MAP3K5: variants seen among roughly 807,000 people sequenced by gnomAD.
The protein encoded by MAP3K5 is mitogen-activated protein kinase kinase kinase 5.
A neutral mutation model predicts 158.7 loss-of-function variants in MAP3K5; 56 were observed. The ratio of observed to expected loss-of-function variants is 0.35; its 90% CI spans 0.28 to 0.44. The LOEUF is 0.44. Among genes scored for constraint, MAP3K5 ranks in the 20% least tolerant of loss-of-function variants. MAP3K5 has a pLI of 1.00. For missense variants in MAP3K5, 1,294 were observed against 1,674.8 expected (o/e 0.77, Z 3.97); for synonymous variants, 579 against 601.7 (o/e 0.96, Z 0.55).
At chr6:136,579,929 A>T in intron 25 of MAP3K5, 1 of 455,384 alleles carries the variant, frequency 2.2e-6, no homozygotes, top group Non-Finnish European at 4.4e-6. Flanking sequence ...GCTATGCAAT[A>T]CCTCCTTAAA....
At chr6:136,702,782 GC>G (rs1352648924) in intron 3 of MAP3K5, among the ~76,000 whole-genome samples, 1 of 152,120 alleles carries the variant, frequency 6.6e-6, no homozygotes, top group African/African-American at 2.4e-5. Context: ...TGCAGCCTCT[GC>G]CTCCTGGGTG....
intron 1 of MAP3K5, among the ~76,000 whole-genome samples, chr6:136,766,972 T>C (rs777683018): frequency 6.6e-6 from 1 of 152,180 alleles, no homozygotes; most frequent in Non-Finnish European, 1.5e-5. Flanking sequence ...TATAGAAACA[T>C]AGTAAAAGCA....
chr6:136,791,601 T>C (rs1478071782), intron 1 of MAP3K5, 109 bp downstream of exon 1: 1 of 1,200,156 alleles, frequency 8.3e-7, no homozygotes, highest in East Asian at 2.4e-5. Context: ...GCCCCCAAAG[T>C]GGGGCAAGAA....
At chr6:136,686,034 G>T (rs140427970) in intron 7 of MAP3K5, among the ~76,000 whole-genome samples, 1 of 152,168 alleles carries the variant, frequency 6.6e-6, no homozygotes, top group African/African-American at 2.4e-5. Context: ...AGCTTTATAA[G>T]CAAGAGCATG....
At chr6:136,600,476 G>GA (rs1775827306) in intron 21 of MAP3K5, among the ~76,000 whole-genome samples, 1 of 152,052 alleles carries the variant, frequency 6.6e-6, no homozygotes, top group South Asian at 2.1e-4. Context: ...CTATAGGCGT[G>GA]AACCACCATG....
intron 1 of MAP3K5, among the ~76,000 whole-genome samples, chr6:136,764,477 C>A (rs767670109): frequency 2.6e-5 from 4 of 152,212 alleles, no homozygotes; most frequent in Admixed American, 6.5e-5. Context: ...GCCCACACCA[C>A]CTTCCAGTCA....
chr6:136,789,575 T>C (rs1784982961), intron 1 of MAP3K5, among the ~76,000 whole-genome samples: 3 of 151,912 alleles, frequency 2.0e-5, no homozygotes, highest in Non-Finnish European at 2.9e-5. Context: ...GGTAAGATCT[T>C]TGCCAGCTCA....
At chr6:136,737,037 G>GTGTGTGTATATATATATATA (rs759947051) in intron 1 of MAP3K5, among the ~76,000 whole-genome samples, 1 of 127,002 alleles carries the variant, frequency 7.9e-6, no homozygotes, top group African/African-American at 3.8e-5. Context: ...ATATGTGTGT[G>GTGTGTGTATATATATATATA]TATATATATA....
intron 16 of MAP3K5, 90 bp downstream of exon 16, chr6:136,614,069 A>T: frequency 7.0e-7 from 1 of 1,422,406 alleles, no homozygotes. Context: ...TAGACAGATT[A>T]AGACCTGTAC....
In MAP3K5 at chr6:136,693,715, C is replaced by T. The variant is rs146179779; in HGVS notation, c.1253+425G>A. Among the ~76,000 whole-genome samples the T allele has an allele frequency of 5.2e-4, 79 of 152,226 alleles. 2 individuals carry two copies. In the East Asian group the frequency reaches 0.014, roughly 28 times the overall value. ...CTAAAGTTATAAACTCTAAGATTGG[C>T]CCGGTGGCTCACGCCTGTAATCCCA... On this transcript the variant is annotated intron_variant, in intron 7 of 29. Transcript: ENST00000359015.
intron 23 of MAP3K5, among the ~76,000 whole-genome samples, chr6:136,586,350 C>T (rs1243161585): frequency 6.6e-6 from 1 of 152,182 alleles, no homozygotes; most frequent in Non-Finnish European, 1.5e-5. Context: ...TTTTTTTCGA[C>T]ATTAACTTTG....
chr6:136,742,494 A>G (rs1430113206), intron 1 of MAP3K5, among the ~76,000 whole-genome samples: 3 of 152,170 alleles, frequency 2.0e-5, no homozygotes, highest in Non-Finnish European at 4.4e-5. Context: ...CCCTCTGCAG[A>G]AATTAACTCA....
chr6:136,603,853 C>T (rs1487949793), intron 19 of MAP3K5, among the ~76,000 whole-genome samples: 1 of 152,240 alleles, frequency 6.6e-6, no homozygotes, highest in Non-Finnish European at 1.5e-5. Flanking sequence ...TTTGGTCACA[C>T]TACTCATTTT....
intron 21 of MAP3K5, among the ~76,000 whole-genome samples, chr6:136,597,353 G>T (rs550127775): frequency 6.6e-6 from 1 of 152,178 alleles, no homozygotes; most frequent in Non-Finnish European, 1.5e-5. Flanking sequence ...TTGGGAAAAC[G>T]GGGATTTTCT....
intron 21 of MAP3K5, among the ~76,000 whole-genome samples, chr6:136,599,164 A>G (rs1775764314): frequency 1.1e-5 from 1 of 92,820 alleles, no homozygotes; most frequent in African/African-American, 4.2e-5. Flanking sequence ...GTCTCAAAAA[A>G]AAAAGGGGGG....
chr6:136,710,549 C>G (rs1781265513), intron 2 of MAP3K5, among the ~76,000 whole-genome samples: 1 of 152,108 alleles, frequency 6.6e-6, no homozygotes, highest in Admixed American at 6.5e-5. Flanking sequence ...TTTGATAGCT[C>G]TCTGGGACAG....
intron 27 of MAP3K5, among the ~76,000 whole-genome samples, 178 bp downstream of exon 27, chr6:136,562,320 TATAAG>T (rs1261299559): frequency 6.6e-6 from 1 of 152,180 alleles, no homozygotes; most frequent in Non-Finnish European, 1.5e-5. Context: ...TTACTGCACT[TATAAG>T]AAATGAGTTT....
At position 136,697,100 on chromosome 6, in the gene MAP3K5, AT is replaced by A. The variant is rs2114669550; in HGVS notation, c.975+118del. ...TAGGATGGAAAGCTTAAGAGAGTCA[AT>A]AAAAAATTACGTGTAGTAACATGAA... On this transcript the variant is annotated intron_variant, in intron 5 of 29. Coordinates refer to ENST00000359015, the MANE Select transcript of MAP3K5 (RefSeq NM_005923.4). The A allele has an allele frequency of 4.3e-6, 3 of 695,958 alleles. No individual in the cohort carries two copies. The East Asian group carries it at 8.8e-5, about 20-fold the overall frequency. 43.1% of individuals were successfully genotyped at this position (695,958 alleles called of 1,614,324 possible). A position where few individuals can be genotyped will look rare whatever the true frequency, so the allele number is the denominator to read the frequency against.
intron 24 of MAP3K5, among the ~76,000 whole-genome samples, chr6:136,582,104 C>G (rs1253260344): frequency 6.6e-6 from 1 of 151,966 alleles, no homozygotes; most frequent in Non-Finnish European, 1.5e-5. Flanking sequence ...AATTTACATT[C>G]TTATTAGGTG....
Sources: allele counts gnomAD v4.1 joint callset (sites outside exome capture counted in the v4.1 genomes callset), GRCh38; gene constraint gnomAD v4.1.1; transcripts MANE v1.5; gene names NCBI Gene and HGNC (gene_info 2026-07-23, HGNC 2026-07-21).